The following CSMD1 variants were observed in gnomAD, a reference collection of about 807,000 sequenced individuals.
CSMD1 encodes the protein CUB and Sushi multiple domains 1, also known as CUB and sushi domain-containing protein 1.
CSMD1 carries 213 observed loss-of-function variants against 417.5 expected under a neutral mutation model. That is an observed-to-expected ratio of 0.51 (90% CI 0.46 to 0.57). The LOEUF (loss-of-function observed/expected upper bound fraction) is 0.57. Among genes scored for constraint, CSMD1 ranks in the 20% least tolerant of loss-of-function variants. CSMD1 has a pLI of 0.00. For missense variants in CSMD1, 6,923 were observed against 4,529.7 expected (o/e 1.53, Z -15.17); for synonymous variants, 2,862 against 1,736.8 (o/e 1.65, Z -16.11).
chr8:3,928,559 T>G (rs932415555), intron 5 of CSMD1, among the ~76,000 whole-genome samples: 1 of 151,210 alleles, frequency 6.6e-6, no homozygotes, highest in Non-Finnish European at 1.5e-5. Flanking sequence ...GGTACTGTAC[T>G]AAGTTCAGAT....
At chr8:4,640,671 T>C (rs1184944208) in intron 1 of CSMD1, among the ~76,000 whole-genome samples, 2 of 152,140 alleles carry the variant, frequency 1.3e-5, no homozygotes, top group Non-Finnish European at 2.9e-5. Context: ...TGAATATTCT[T>C]AATGGACAAC....
chr8:4,573,383 C>A (rs1798979578), intron 2 of CSMD1, among the ~76,000 whole-genome samples: 1 of 152,158 alleles, frequency 6.6e-6, no homozygotes, highest in Non-Finnish European at 1.5e-5. Context: ...GGCCCCTCTT[C>A]TGCAGGTCTG....
chr8:4,853,034 T>C (rs1801576830), intron 1 of CSMD1, among the ~76,000 whole-genome samples: 1 of 152,282 alleles, frequency 6.6e-6, no homozygotes, highest in Admixed American at 6.5e-5. Flanking sequence ...AAGTTGGTAC[T>C]TATATTTAAA....
chr8:2,959,074 C>G (rs1262988512), intron 62 of CSMD1, among the ~76,000 whole-genome samples: 3 of 152,216 alleles, frequency 2.0e-5, no homozygotes, highest in South Asian at 2.1e-4. Context: ...AGCGTTGACT[C>G]ATTTACTCTT....
intron 10 of CSMD1, among the ~76,000 whole-genome samples, chr8:3,534,134 C>T (rs944420721): frequency 7.2e-5 from 11 of 152,176 alleles, no homozygotes; most frequent in African/African-American, 2.4e-4. Context: ...CACTCATATG[C>T]ACTGTGAAAT....
intron 1 of CSMD1, among the ~76,000 whole-genome samples, chr8:4,874,250 A>G (rs769768207): frequency 1.3e-4 from 20 of 152,118 alleles, no homozygotes; most frequent in Non-Finnish European, 2.8e-4. Flanking sequence ...TTTTCATCAA[A>G]TTACGTGGGA....
At chr8:4,616,168 C>G (rs757904341) in intron 2 of CSMD1, among the ~76,000 whole-genome samples, 10 of 152,142 alleles carry the variant, frequency 6.6e-5, no homozygotes, top group Non-Finnish European at 1.2e-4. Flanking sequence ...GATCCCATAG[C>G]TAAAACTTCA....
intron 2 of CSMD1, among the ~76,000 whole-genome samples, chr8:4,443,232 G>A (rs1379583733): frequency 6.6e-6 from 1 of 152,116 alleles, no homozygotes; most frequent in Non-Finnish European, 1.5e-5. Flanking sequence ...TAATTAATGT[G>A]TTTTAAGATG....
In CSMD1 at chr8:4,994,556, C is replaced by A. The variant is rs982494891; in HGVS notation, c.-140G>T. The A allele has an allele frequency of 1.1e-5, 8 of 742,900 alleles. No individual in the cohort carries two copies. Among genetic ancestry groups the A allele is most frequent in the South Asian group, 3.4e-5 (2 of 58,956 alleles). The allele number at this position is 742,900 out of a possible 1,614,324, so 46.0% of individuals were successfully genotyped here. The stretch of plus-strand genomic sequence containing the variant: ...CCCAAGACCCGCCGCGCATCCGACG[C>A]CTCCTGAAGGTCTGGGCGCCCGGCT... On this transcript the variant is annotated 5_prime_UTR_variant, in exon 1 of 70. Coordinates refer to ENST00000635120, the MANE Select transcript of CSMD1 (RefSeq NM_033225.6).
At chr8:4,217,011 G>C (rs1401483) in intron 3 of CSMD1, among the ~76,000 whole-genome samples, 1 of 152,022 alleles carries the variant, frequency 6.6e-6, no homozygotes, top group African/African-American at 2.4e-5. Context: ...GAATTGTCTT[G>C]TGTCTCTTAA....
intron 5 of CSMD1, among the ~76,000 whole-genome samples, chr8:3,965,156 G>C (rs899008157): frequency 6.6e-6 from 1 of 152,128 alleles, no homozygotes; most frequent in Non-Finnish European, 1.5e-5. Context: ...ATAGTTTCTT[G>C]CTTTTTAACA....
chr8:4,756,845 C>A (rs899509861), intron 1 of CSMD1, among the ~76,000 whole-genome samples: 1 of 152,166 alleles, frequency 6.6e-6, no homozygotes, highest in Non-Finnish European at 1.5e-5. Context: ...AACACAGTGA[C>A]TGAAAAAGGG....
At chr8:4,507,596 G>A (rs940270612) in intron 2 of CSMD1, among the ~76,000 whole-genome samples, 3 of 152,124 alleles carry the variant, frequency 2.0e-5, no homozygotes, top group South Asian at 2.1e-4. Flanking sequence ...TATATAATGG[G>A]CCATTGGTGG....
At chr8:4,114,730 G>C (rs1802042403) in intron 3 of CSMD1, among the ~76,000 whole-genome samples, 1 of 152,166 alleles carries the variant, frequency 6.6e-6, no homozygotes, top group African/African-American at 2.4e-5. Flanking sequence ...AGAAGAAGTT[G>C]ATTCCAACAC....
intron 12 of CSMD1, among the ~76,000 whole-genome samples, chr8:3,456,797 G>A (rs1308449858): frequency 6.6e-6 from 1 of 152,042 alleles, no homozygotes; most frequent in Non-Finnish European, 1.5e-5. Flanking sequence ...CATTATAGAT[G>A]AGGCTACTAA....
chr8:4,093,825 G>T (rs1009672659), intron 3 of CSMD1, among the ~76,000 whole-genome samples: 1 of 152,082 alleles, frequency 6.6e-6, no homozygotes, highest in African/African-American at 2.4e-5. Flanking sequence ...GCTGGGTGTG[G>T]TGGTGCATGC....
At chr8:2,986,751 G>T (rs1585098154) in intron 54 of CSMD1, among the ~76,000 whole-genome samples, 6 of 152,070 alleles carry the variant, frequency 3.9e-5, no homozygotes, top group Non-Finnish European at 8.8e-5. Flanking sequence ...TGATTCGCCT[G>T]CCTCAGCCTC....
chr8:4,440,977 A>T (rs1798434107), intron 2 of CSMD1, among the ~76,000 whole-genome samples: 1 of 150,006 alleles, frequency 6.7e-6, no homozygotes, highest in Non-Finnish European at 1.5e-5. Flanking sequence ...AGCCTAGATG[A>T]CACAGTGAGA....
chr8:4,489,551 C>A (rs935748575), intron 2 of CSMD1, among the ~76,000 whole-genome samples: 2 of 152,170 alleles, frequency 1.3e-5, no homozygotes, highest in African/African-American at 4.8e-5. Flanking sequence ...GGCAGACAGG[C>A]TATGAAGGTG....
Sources: allele counts gnomAD v4.1 joint callset (sites outside exome capture counted in the v4.1 genomes callset), GRCh38; gene constraint gnomAD v4.1.1; transcripts MANE v1.5; gene names NCBI Gene and HGNC (gene_info 2026-07-23, HGNC 2026-07-21).